RNF126: variants seen among roughly 807,000 people sequenced by gnomAD.
RNF126 encodes E3 ubiquitin-protein ligase RNF126.
Under a neutral mutation model 41.9 loss-of-function variants are expected in RNF126, and 20 were observed. The observed-to-expected ratio is 0.48, with a 90% confidence interval of 0.34 to 0.69. The LOEUF (loss-of-function observed/expected upper bound fraction) is 0.69. RNF126 is among the 30% of genes least tolerant of loss of function. RNF126 has a pLI of 0.01. For missense variants in RNF126, 433 were observed against 460.6 expected (o/e 0.94, Z 0.55); for synonymous variants, 239 against 202.9 (o/e 1.18, Z -1.51).
At chr19:658,420 C>T (rs34323762) in intron 1 of RNF126, among the ~76,000 whole-genome samples, 15,500 of 152,084 alleles carry the variant, frequency 0.1, 1,224 homozygotes, top group East Asian at 0.44. Context: ...GTGGCAGGGC[C>T]CTCGGGAAGC....
At chr19:649,657 C>T in intron 6 of RNF126, 22 bp downstream of exon 6, 2 of 1,551,074 alleles carry the variant, frequency 1.3e-6, no homozygotes, top group Non-Finnish European at 1.7e-6. Flanking sequence ...AGCAGGCACT[C>T]TGGGCCGTGG....
intron 1 of RNF126, among the ~76,000 whole-genome samples, chr19:661,020 C>T (rs75927396): frequency 0.038 from 5,728 of 152,330 alleles, 350 homozygotes; most frequent in African/African-American, 0.13. Context: ...ATTTGTCAAT[C>T]ACTGTTCCAT....
intron 1 of RNF126, 129 bp downstream of exon 1, chr19:662,918 G>T: frequency 2.8e-6 from 1 of 355,730 alleles, no homozygotes; most frequent in Non-Finnish European, 4.8e-6. Flanking sequence ...GCGCTGCCCC[G>T]AGCCTCAGTT....
chr19:652,022 T>C (rs754432485), intron 3 of RNF126, 167 bp from the exon 4 acceptor site: 322 of 697,860 alleles, frequency 4.6e-4, no homozygotes, highest in Non-Finnish European at 6.4e-4. Flanking sequence ...GCCCCGCTGG[T>C]GTGAGATGCC....
At chr19:650,921 G>A (rs2030245330) in intron 4 of RNF126, among the ~76,000 whole-genome samples, 1 of 152,050 alleles carries the variant, frequency 6.6e-6, no homozygotes, top group Non-Finnish European at 1.5e-5. Context: ...TAGAGATGGG[G>A]CCTCCCTACA....
chr19:662,774 G>T (rs989590162), intron 1 of RNF126, among the ~76,000 whole-genome samples: 2 of 152,090 alleles, frequency 1.3e-5, no homozygotes, highest in African/African-American at 4.8e-5. Flanking sequence ...CGCGGATGTG[G>T]GGTCACCCGG....
At chr19:652,058 A>G in intron 3 of RNF126, 175 bp downstream of exon 3, 2 of 724,012 alleles carry the variant, frequency 2.8e-6, no homozygotes. Context: ...CTTTCATCCA[A>G]GAAACCAACC....
chr19:648,917 G>T lies in RNF126; in HGVS notation c.635C>A (p.Ala212Asp). 7.0e-7 allele frequency: 1 copy of T among 1,425,186 alleles called. No homozygotes were observed. Among genetic ancestry groups the T allele is most frequent in the Non-Finnish European group, 9.2e-7 (1 of 1,087,956 alleles). The allele number at this position is 1,425,186 out of a possible 1,614,324, so 88.3% of individuals were successfully genotyped here. A position where few individuals can be genotyped will look rare whatever the true frequency, so the allele number is the denominator to read the frequency against. The change falls in exon 7 of 9, where the codon GCC becomes GAC. Residue 212 changes from alanine (A) to aspartate (D), a missense_variant. Ala to Asp is a moderately radical substitution (Grantham distance 126, BLOSUM62 -2). Around this residue, in one of 5 missense-constraint regions of RNF126, gnomAD observed 97 missense variants for 121.7 expected, o/e 0.80. Coordinates refer to ENST00000292363, the MANE Select transcript of RNF126 (RefSeq NM_194460.3). Reference protein sequence around the residue: ...PPPADKEKIQALPTVPVTEEH... With the variant: ...PPPADKEKIQDLPTVPVTEEH... ...CTCAGTGACGGGGACGGTGGGGAGG[G>T]CCTGGATTTTCTCTTTATCTGCCGG... is the stretch of plus-strand genomic sequence containing the variant.
intron 1 of RNF126, 99 bp from the exon 2 acceptor site, chr19:652,983 T>C: frequency 1.7e-6 from 2 of 1,191,790 alleles, no homozygotes; most frequent in Non-Finnish European, 2.4e-6. Context: ...CAGCGGTCTC[T>C]GGCTGGCCAG....
intron 2 of RNF126, chr19:652,507 A>G (rs1375271660): frequency 6.6e-6 from 4 of 603,648 alleles, no homozygotes; most frequent in East Asian, 2.8e-5. Context: ...GCAGACCCCA[A>G]CAGCCTCCTA....
At chr19:653,518 G>A (rs766160078) in intron 1 of RNF126, among the ~76,000 whole-genome samples, 59 of 152,334 alleles carry the variant, frequency 3.9e-4, no homozygotes, top group African/African-American at 7.7e-4. Flanking sequence ...CGAGCAGGAC[G>A]GATGCCATCC....
intron 2 of RNF126, 104 bp from the exon 3 acceptor site, chr19:652,400 T>C (rs1174076575): frequency 6.7e-6 from 7 of 1,043,076 alleles, no homozygotes; most frequent in Non-Finnish European, 9.7e-6. Flanking sequence ...GAATTGTCCT[T>C]GGCACTGCTT....
At chr19:652,665 G>A (rs778928943) in intron 2 of RNF126, 161 bp downstream of exon 2, 76 of 672,128 alleles carry the variant, frequency 1.1e-4, no homozygotes, top group East Asian at 4.1e-4. Context: ...AGAAGAGAAC[G>A]GCACGCTGCT....
chr19:648,384 G>A lies in RNF126; in HGVS notation c.774C>T (p.Pro258=). Residue 258 remains proline, a synonymous_variant, in exon 8 of 9, where the codon CCC becomes CCT. Coordinates refer to ENST00000292363, the MANE Select transcript of RNF126 (RefSeq NM_194460.3). Reference sequence around the variant, plus strand: ...GCGGGGCACTCACCTGCTCCAGCCAGGGCACGATGCAGCCGTCGTGGAACA... The same window carrying A: ...GCGGGGCACTCACCTGCTCCAGCCAAGGCACGATGCAGCCGTCGTGGAACA... ...NHLFHDGCIV[P]WLEQHDSCPV... 1 of 1,550,322 alleles carries A rather than the reference G, an allele frequency of 6.5e-7. No homozygotes were observed. The highest frequency in any genetic ancestry group is 8.7e-7 in the Non-Finnish European group (1 of 1,152,940).
chr19:650,209 G>C (rs1460218030), intron 5 of RNF126, 25 bp downstream of exon 5: 4 of 1,556,484 alleles, frequency 2.6e-6, no homozygotes, highest in Non-Finnish European at 3.5e-6. Flanking sequence ...GCTGGGGATG[G>C]GGACAGGCAC....
chr19:648,029 A>C lies in RNF126; in HGVS notation c.*99T>G. Reference sequence around the variant, plus strand: ...CGGGACCTGCAGCGCTGACCAGCCAAGCGTGGCGCCGCCGGGGCACCCAGT... The same window carrying C: ...CGGGACCTGCAGCGCTGACCAGCCACGCGTGGCGCCGCCGGGGCACCCAGT... On this transcript the variant is annotated 3_prime_UTR_variant, in exon 9 of 9. Coordinates refer to ENST00000292363, the MANE Select transcript of RNF126 (RefSeq NM_194460.3). 7.4e-7 allele frequency: 1 copy of C among 1,347,800 alleles called. No homozygotes were observed. Among genetic ancestry groups the C allele is most frequent in the Non-Finnish European group, 9.9e-7 (1 of 1,014,376 alleles). The allele number at this position is 1,347,800 out of a possible 1,614,324, so 83.5% of individuals were successfully genotyped here.
intron 3 of RNF126, 135 bp downstream of exon 3, chr19:652,098 C>T (rs1386067407): frequency 2.3e-5 from 19 of 816,894 alleles, no homozygotes; most frequent in Non-Finnish European, 3.1e-5. Flanking sequence ...AATCCCTGGC[C>T]CGGGCCCCTG....
At chr19:660,281 G>T (rs2030740659) in intron 1 of RNF126, among the ~76,000 whole-genome samples, 2 of 152,254 alleles carry the variant, frequency 1.3e-5, no homozygotes, top group Admixed American at 1.3e-4. Context: ...GGCCAAGGCT[G>T]CCCAGCAGAG....
intron 1 of RNF126, among the ~76,000 whole-genome samples, chr19:658,709 G>T (rs185843677): frequency 2.0e-5 from 3 of 152,300 alleles, no homozygotes; most frequent in Non-Finnish European, 4.4e-5. Flanking sequence ...AGGCGTGAGC[G>T]AAGCCACTGC....
Sources: allele counts gnomAD v4.1 joint callset (sites outside exome capture counted in the v4.1 genomes callset), GRCh38; gene constraint gnomAD v4.1.1; regional missense constraint gnomAD v4.1.1; transcripts MANE v1.5; gene names NCBI Gene and HGNC (gene_info 2026-07-23, HGNC 2026-07-21).